The following FGF14 variants were observed in gnomAD, a reference collection of about 807,000 sequenced individuals.
The protein encoded by FGF14 is fibroblast growth factor homologous factor 4.
In FGF14, 5 loss-of-function variants were observed where a neutral mutation model predicts 25.5. The ratio of observed to expected loss-of-function variants is 0.20; its 90% CI spans 0.10 to 0.41. The LOEUF is 0.41. FGF14 is among the 10% of genes least tolerant of loss of function. The pLI, the probability that FGF14 is intolerant of heterozygous loss-of-function variation, is 1.00. For synonymous variants in FGF14, 138 were observed against 118.3 expected (o/e 1.17, Z -1.08); for missense variants, 222 against 320.1 (o/e 0.69, Z 2.34).
chr13:101,858,815 T>C (rs2044259164), intron 3 of FGF14, among the ~76,000 whole-genome samples: 1 of 152,080 alleles, frequency 6.6e-6, no homozygotes, highest in Non-Finnish European at 1.5e-5. Context: ...CAAAGCTCTT[T>C]TTCTAATTAT....
At chr13:101,839,255 G>A (rs2140311280) in intron 3 of FGF14, among the ~76,000 whole-genome samples, 1 of 152,054 alleles carries the variant, frequency 6.6e-6, no homozygotes, top group South Asian at 2.1e-4. Flanking sequence ...TGCAAAGTTA[G>A]GGTCTCTTTG....
At chr13:101,809,456 A>G (rs1184255380) in intron 3 of FGF14, among the ~76,000 whole-genome samples, 2 of 152,154 alleles carry the variant, frequency 1.3e-5, no homozygotes. Flanking sequence ...CAAAACTCAC[A>G]ATAGTTAAAT....
intron 1 of FGF14, among the ~76,000 whole-genome samples, chr13:101,896,363 C>T (rs114521448): frequency 0.014 from 2,137 of 152,210 alleles, 41 homozygotes; most frequent in African/African-American, 0.048. Context: ...ATAGCTCCCT[C>T]TTCTATGCCC....
chr13:102,001,828 G>A (rs61966480), intron 1 of FGF14, among the ~76,000 whole-genome samples: 1 of 152,174 alleles, frequency 6.6e-6, no homozygotes, highest in Non-Finnish European at 1.5e-5. Context: ...GAAAACCAGA[G>A]AAAGAGAAGA....
intron 1 of FGF14, among the ~76,000 whole-genome samples, chr13:102,036,992 G>C (rs1453670262): frequency 6.6e-6 from 1 of 152,052 alleles, no homozygotes; most frequent in Non-Finnish European, 1.5e-5. Flanking sequence ...TTTTCAGAGT[G>C]GCATCCTTTC....
At chr13:102,266,385 T>C (rs1456730090) in intron 1 of FGF14, among the ~76,000 whole-genome samples, 1 of 152,088 alleles carries the variant, frequency 6.6e-6, no homozygotes, top group Non-Finnish European at 1.5e-5. Flanking sequence ...ATATCAGTGA[T>C]AAGCAAACTC....
intron 1 of FGF14, among the ~76,000 whole-genome samples, chr13:102,098,520 C>CT (rs1304988434): frequency 6.6e-6 from 1 of 152,222 alleles, no homozygotes; most frequent in African/African-American, 2.4e-5. Context: ...ACTCTTGCAA[C>CT]TTTTGTTAAA....
At chr13:101,982,674 TA>T (rs2038339107) in intron 1 of FGF14, among the ~76,000 whole-genome samples, 1 of 152,202 alleles carries the variant, frequency 6.6e-6, no homozygotes. Flanking sequence ...AACTGGGTTA[TA>T]AAGACAAAAG....
intron 1 of FGF14, among the ~76,000 whole-genome samples, chr13:102,332,975 G>T (rs1357831212): frequency 6.6e-6 from 1 of 152,016 alleles, no homozygotes; most frequent in Non-Finnish European, 1.5e-5. Flanking sequence ...TAACTAATGA[G>T]AATTAACTTA....
At chr13:102,034,760 C>G (rs142854908) in intron 1 of FGF14, among the ~76,000 whole-genome samples, 1 of 152,238 alleles carries the variant, frequency 6.6e-6, no homozygotes, top group East Asian at 1.9e-4. Context: ...ATGTTGGTGG[C>G]ATTAGATGAT....
intron 1 of FGF14, among the ~76,000 whole-genome samples, chr13:102,256,237 G>T (rs1033278468): frequency 6.6e-6 from 1 of 152,084 alleles, no homozygotes; most frequent in Non-Finnish European, 1.5e-5. Flanking sequence ...TGCCAGGCAT[G>T]GTGGTTCATG....
At chr13:102,070,284 A>G (rs1308513325) in intron 1 of FGF14, among the ~76,000 whole-genome samples, 7 of 152,264 alleles carry the variant, frequency 4.6e-5, no homozygotes, top group Non-Finnish European at 7.3e-5. Flanking sequence ...AAAGGTGGTC[A>G]ATATCATTCA....
intron 1 of FGF14, among the ~76,000 whole-genome samples, chr13:102,183,710 A>G (rs530243042): frequency 6.6e-6 from 1 of 152,208 alleles, no homozygotes; most frequent in South Asian, 2.1e-4. Context: ...AGATTTCCCT[A>G]CCCACTGCCA....
intron 1 of FGF14, among the ~76,000 whole-genome samples, chr13:102,350,873 G>T (rs1298248221): frequency 6.6e-6 from 1 of 152,190 alleles, no homozygotes; most frequent in Admixed American, 6.5e-5. Flanking sequence ...CATAAGCGTG[G>T]TCACTGGACA....
chr13:102,294,422 A>G (rs995767159), intron 1 of FGF14, among the ~76,000 whole-genome samples: 10 of 152,064 alleles, frequency 6.6e-5, no homozygotes, highest in Non-Finnish European at 1.3e-4. Context: ...TCCAAAAAAA[A>G]AAAACAAACA....
At chr13:102,165,599 G>T (rs1365881993) in intron 1 of FGF14, among the ~76,000 whole-genome samples, 1 of 145,164 alleles carries the variant, frequency 6.9e-6, no homozygotes, top group Non-Finnish European at 1.5e-5. Context: ...CTCACTCATA[G>T]GTGGGAATTG....
At chr13:102,020,149 G>C (rs1169899349) in intron 1 of FGF14, among the ~76,000 whole-genome samples, 1 of 152,108 alleles carries the variant, frequency 6.6e-6, no homozygotes, top group East Asian at 1.9e-4. Context: ...GATTTGGAGG[G>C]AGTGTGGAGG....
intron 1 of FGF14, among the ~76,000 whole-genome samples, chr13:102,059,742 T>A (rs2140097962): frequency 6.6e-6 from 1 of 151,772 alleles, no homozygotes; most frequent in South Asian, 2.1e-4. Context: ...CCCCAGCTAC[T>A]CAGGAGGCTG....
intron 3 of FGF14, among the ~76,000 whole-genome samples, chr13:101,784,775 A>C (rs2039706803): frequency 6.6e-6 from 1 of 152,136 alleles, no homozygotes. Context: ...TGTGTCTTGA[A>C]CTGTTTAAGA....
Sources: gnomAD v4.1 joint callset for allele counts (sites outside exome capture counted in the v4.1 genomes callset) on GRCh38, gnomAD v4.1.1 for gene constraint, MANE v1.5 for transcripts, NCBI Gene and HGNC (gene_info 2026-07-23, HGNC 2026-07-21) for gene names.